Variants in RGS6 observed in about 807,000 individuals in gnomAD.
RGS6 encodes the protein regulator of G protein signaling 6.
Under a neutral mutation model 78.5 loss-of-function variants are expected in RGS6, and 30 were observed. The observed-to-expected ratio is 0.38, with a 90% confidence interval of 0.29 to 0.52. The LOEUF (loss-of-function observed/expected upper bound fraction) is 0.52, where lower values mean the gene tolerates loss of function less well. RGS6 is among the 20% of genes least tolerant of loss of function. The probability of loss-of-function intolerance (pLI) is 0.85; values close to 1 mark genes in which losing one functional copy is unlikely to be tolerated. For synonymous variants in RGS6, 206 were observed against 206.0 expected (o/e 1.00, Z 0.00); for missense variants, 495 against 609.7 (o/e 0.81, Z 1.98).
At chr14:72,218,608 C>T (rs1467384846) in intron 2 of RGS6, among the ~76,000 whole-genome samples, 1 of 151,650 alleles carries the variant, frequency 6.6e-6, no homozygotes. Context: ...TTAAATACAT[C>T]TTATTTATTT....
intron 2 of RGS6, among the ~76,000 whole-genome samples, chr14:72,130,026 T>TGCCC (rs963600397): frequency 1.8e-4 from 28 of 152,280 alleles, no homozygotes; most frequent in Admixed American, 1.8e-3. Context: ...AAGTGGAATA[T>TGCCC]GCCCAAGTTA....
intron 2 of RGS6, among the ~76,000 whole-genome samples, chr14:72,049,227 C>G (rs1417385024): frequency 6.6e-6 from 1 of 152,084 alleles, no homozygotes; most frequent in South Asian, 2.1e-4. Flanking sequence ...CCAAGAAAAC[C>G]TTGGAAAACT....
intron 2 of RGS6, among the ~76,000 whole-genome samples, chr14:72,252,444 C>A (rs2056042355): frequency 6.6e-6 from 1 of 152,210 alleles, no homozygotes; most frequent in African/African-American, 2.4e-5. Context: ...GAATTTAGTG[C>A]TGATCCCATT....
intron 2 of RGS6, among the ~76,000 whole-genome samples, chr14:72,192,587 G>A (rs567935237): frequency 5.3e-5 from 8 of 152,262 alleles, no homozygotes; most frequent in East Asian, 1.9e-4. Context: ...TAACATTAAC[G>A]CCTTGCCAAT....
chr14:72,242,540 A>G (rs118070228), intron 2 of RGS6, among the ~76,000 whole-genome samples: 1,672 of 152,296 alleles, frequency 0.011, 13 homozygotes, highest in Middle Eastern at 0.02. Context: ...TAATAGATAA[A>G]TTTTTCATCA....
chr14:72,554,237 G>A (rs1336570883), intron 17 of RGS6, among the ~76,000 whole-genome samples: 2 of 152,336 alleles, frequency 1.3e-5, no homozygotes, highest in Admixed American at 1.3e-4. Flanking sequence ...CTAAACCAAG[G>A]ACCCCAAGAA....
At chr14:72,421,959 C>A (rs1291611014) in intron 3 of RGS6, among the ~76,000 whole-genome samples, 1 of 152,268 alleles carries the variant, frequency 6.6e-6, no homozygotes, top group East Asian at 1.9e-4. Flanking sequence ...TGTGTTCACA[C>A]TCAAATCCAC....
intron 15 of RGS6, among the ~76,000 whole-genome samples, 180 bp downstream of exon 15, chr14:72,518,717 T>C (rs1220157831): frequency 6.6e-6 from 1 of 152,246 alleles, no homozygotes; most frequent in South Asian, 2.1e-4. Flanking sequence ...ATCGTTTTCC[T>C]AGATGGGTTA....
chr14:72,600,853 A>C, the RGS6 span, among the ~76,000 whole-genome samples: 1 of 150,498 alleles, frequency 6.6e-6, no homozygotes, highest in African/African-American at 2.5e-5. Flanking sequence ...CACCACCAGC[A>C]TAGGGTCCCT....
At chr14:72,615,521 C>T in the RGS6 span, among the ~76,000 whole-genome samples, 3 of 152,152 alleles carry the variant, frequency 2.0e-5, no homozygotes, top group Non-Finnish European at 4.4e-5. Flanking sequence ...ATCATGAAAC[C>T]ATCACTGTGA....
intron 2 of RGS6, among the ~76,000 whole-genome samples, chr14:72,307,226 A>T (rs905466085): frequency 6.7e-6 from 1 of 148,826 alleles, no homozygotes; most frequent in African/African-American, 2.5e-5. Flanking sequence ...ACATAATGCT[A>T]TTGCACACTC....
intron 3 of RGS6, among the ~76,000 whole-genome samples, chr14:72,442,073 C>A (rs769302452): frequency 4.6e-5 from 7 of 152,168 alleles, no homozygotes; most frequent in African/African-American, 9.7e-5. Flanking sequence ...TCCTCACCAA[C>A]GCTGAGATGA....
At chr14:72,238,738 T>C (rs2051880799) in intron 2 of RGS6, among the ~76,000 whole-genome samples, 1 of 152,186 alleles carries the variant, frequency 6.6e-6, no homozygotes, top group African/African-American at 2.4e-5. Context: ...CCTGAGTCTC[T>C]CTTTCTCTGC....
chr14:71,882,242 A>G, the RGS6 span, among the ~76,000 whole-genome samples: 2 of 152,208 alleles, frequency 1.3e-5, no homozygotes, highest in Middle Eastern at 3.2e-3. Context: ...ACAATGTCCT[A>G]AAGTTTTATC....
At chr14:72,594,271 C>T in the RGS6 span, 1 of 152,450 alleles carries the variant, frequency 6.6e-6, no homozygotes, top group Admixed American at 6.5e-5. Flanking sequence ...ACTGCCTCCT[C>T]CACCACAGGA....
intron 2 of RGS6, among the ~76,000 whole-genome samples, chr14:71,970,589 G>T (rs2093740652): frequency 6.6e-6 from 1 of 152,190 alleles, no homozygotes; most frequent in Non-Finnish European, 1.5e-5. Context: ...GAGGGCAGTG[G>T]TAGAAGCCAG....
chr14:72,044,944 T>C (rs1465281660), intron 2 of RGS6, among the ~76,000 whole-genome samples: 1 of 152,154 alleles, frequency 6.6e-6, no homozygotes, highest in Non-Finnish European at 1.5e-5. Flanking sequence ...GGATTCTGGG[T>C]CTTGTATCTG....
intron 2 of RGS6, among the ~76,000 whole-genome samples, chr14:72,003,405 C>T (rs1204700560): frequency 6.6e-6 from 1 of 152,208 alleles, no homozygotes; most frequent in Non-Finnish European, 1.5e-5. Context: ...TAATTATGCT[C>T]ACAGTTTTGT....
At chr14:72,126,804 G>A (rs943401014) in intron 2 of RGS6, among the ~76,000 whole-genome samples, 6 of 152,162 alleles carry the variant, frequency 3.9e-5, no homozygotes, top group Admixed American at 6.6e-5. Flanking sequence ...TAAGGAAAAC[G>A]CAGCTTTTGT....
Sources: allele counts gnomAD v4.1 joint callset (sites outside exome capture counted in the v4.1 genomes callset), GRCh38; gene constraint gnomAD v4.1.1; transcripts MANE v1.5; gene names NCBI Gene and HGNC (gene_info 2026-07-23, HGNC 2026-07-21).